Variants in HIP1 observed in about 807,000 individuals in gnomAD.
HIP1 encodes huntingtin-interacting protein 1.
Under a neutral mutation model 147.6 loss-of-function variants are expected in HIP1, and 65 were observed. That is an observed-to-expected ratio of 0.44 (90% CI 0.36 to 0.54). The LOEUF (loss-of-function observed/expected upper bound fraction) is 0.54. HIP1 is among the 20% of genes least tolerant of loss of function. The probability of loss-of-function intolerance (pLI) is 0.00; values close to 1 mark genes in which losing one functional copy is unlikely to be tolerated. For synonymous variants in HIP1, 479 were observed against 504.0 expected (o/e 0.95, Z 0.67); for missense variants, 1,061 against 1,299.6 (o/e 0.82, Z 2.82).
intron 5 of HIP1, among the ~76,000 whole-genome samples, chr7:75,582,864 G>A (rs1469660219): frequency 1.3e-5 from 2 of 151,866 alleles, no homozygotes; most frequent in African/African-American, 4.8e-5. Context: ...TGGGCTCCAT[G>A]GTGCCAAGGC....
Position 75,568,061 on chromosome 7 carries a change from C to A in HIP1, c.803+138G>T, listed in dbSNP as rs1554495907. 9 of 680,468 alleles carry A rather than the reference C, an allele frequency of 1.3e-5. No individual in the cohort carries two copies. The highest frequency in any genetic ancestry group is 2.2e-5 in the Non-Finnish European group (8 of 365,840). 42.2% of individuals were successfully genotyped at this position (680,468 alleles called of 1,614,324 possible). On this transcript the variant is annotated intron_variant, in intron 9 of 30. Coordinates refer to ENST00000336926, the MANE Select transcript of HIP1 (RefSeq NM_005338.7). The surrounding 1 kb of genome is among the most constrained non-coding windows in gnomAD (Gnocchi z 4.1). ...AAACTCTTGGCCTCAAGTGATCCTC[C>A]CGCCTCAGCCTCCCAAAGAGTTGGG...
intron 1 of HIP1, among the ~76,000 whole-genome samples, chr7:75,621,825 C>T (rs1554507174): frequency 1.3e-5 from 2 of 152,118 alleles, no homozygotes; most frequent in Admixed American, 6.6e-5. Context: ...AGGAGAACAT[C>T]GTGATGATTT....
intron 12 of HIP1, among the ~76,000 whole-genome samples, 154 bp from the exon 13 acceptor site, chr7:75,561,555 A>C (rs587694575): frequency 1.2e-4 from 19 of 152,336 alleles, no homozygotes; most frequent in African/African-American, 4.3e-4. Context: ...CCAGATACTA[A>C]TCTAATACTC....
intron 1 of HIP1, among the ~76,000 whole-genome samples, chr7:75,612,994 C>T (rs1797500993): frequency 1.3e-5 from 2 of 152,036 alleles, no homozygotes; most frequent in Admixed American, 1.3e-4. Flanking sequence ...ATCCCAGCTA[C>T]TCAGGAGACT....
At chr7:75,722,891 A>G (rs895870758) in intron 1 of HIP1, among the ~76,000 whole-genome samples, 19 of 152,304 alleles carry the variant, frequency 1.2e-4, no homozygotes, top group African/African-American at 4.6e-4. Flanking sequence ...ACTTTTGTGC[A>G]TGAGTGCCAG....
chr7:75,563,393 A>G (rs1173079448), intron 9 of HIP1, 130 bp from the exon 10 acceptor site: 1 of 710,008 alleles, frequency 1.4e-6, no homozygotes, highest in South Asian at 1.7e-5. Flanking sequence ...GATAAACTCC[A>G]TGGTGCTGGG....
intron 1 of HIP1, among the ~76,000 whole-genome samples, chr7:75,725,283 C>T (rs1554522229): frequency 1.3e-5 from 2 of 152,160 alleles, no homozygotes; most frequent in African/African-American, 4.8e-5. Flanking sequence ...GCCTCAGCCA[C>T]CCAAAGTGCT....
intron 1 of HIP1, among the ~76,000 whole-genome samples, chr7:75,710,183 C>T (rs535634552): frequency 5.3e-5 from 8 of 152,286 alleles, no homozygotes; most frequent in African/African-American, 1.9e-4. Flanking sequence ...CAGGCGTGAG[C>T]CACTGTGCCT....
chr7:75,607,627 A>C (rs1411720998), intron 1 of HIP1, among the ~76,000 whole-genome samples: 1 of 151,604 alleles, frequency 6.6e-6, no homozygotes. Context: ...CAGGAGGATC[A>C]CTTGAGCCCA....
rs139438958 is a variant in HIP1, at chr7:75,537,397, GGA to G, written c.*773_*774del. ...GCCAGCACTTGGTCAGTGTGGAGGC[GGA>G]GATGGAGCACCGAGAGGCCTGGGCA... On this transcript the variant is annotated 3_prime_UTR_variant, in exon 31 of 31. Coordinates refer to ENST00000336926, the MANE Select transcript of HIP1 (RefSeq NM_005338.7). 3.1e-3 allele frequency: 727 copies of G among 233,192 alleles called. 1 individual carries two copies. Among genetic ancestry groups the G allele is most frequent in the African/African-American group, 0.015 (689 of 45,388 alleles). 14.4% of individuals were successfully genotyped at this position (233,192 alleles called of 1,614,324 possible). A position where few individuals can be genotyped will look rare whatever the true frequency, so the allele number is the denominator to read the frequency against.
intron 1 of HIP1, among the ~76,000 whole-genome samples, chr7:75,695,647 TCACTG>T (rs1800612185): frequency 6.6e-6 from 1 of 152,074 alleles, no homozygotes; most frequent in Non-Finnish European, 1.5e-5. Flanking sequence ...CAATTTTGGC[TCACTG>T]CAACCTCTGC....
At chr7:75,548,313 C>T (rs1794652980) in intron 23 of HIP1, among the ~76,000 whole-genome samples, 1 of 152,014 alleles carries the variant, frequency 6.6e-6, no homozygotes, top group Non-Finnish European at 1.5e-5. Context: ...AGGCGTGAGC[C>T]ACCACGCCTG....
chr7:75,681,289 G>A (rs1390822002), intron 1 of HIP1, among the ~76,000 whole-genome samples: 1 of 151,928 alleles, frequency 6.6e-6, no homozygotes, highest in Admixed American at 6.6e-5. Context: ...AACCCTGCAG[G>A]CGCTCTGCAC....
intron 1 of HIP1, among the ~76,000 whole-genome samples, chr7:75,682,272 T>TA (rs782232092): frequency 3.4e-4 from 51 of 151,764 alleles, no homozygotes; most frequent in South Asian, 8.3e-4. Context: ...CATTTTTTTT[T>TA]AAGAGACAGT....
intron 1 of HIP1, among the ~76,000 whole-genome samples, chr7:75,707,544 G>A (rs1801040097): frequency 1.3e-5 from 2 of 149,736 alleles, no homozygotes; most frequent in South Asian, 4.2e-4. Context: ...CCCTTTGTCA[G>A]ATGAGTAGGT....
chr7:75,707,684 A>C (rs2117342952), intron 1 of HIP1, among the ~76,000 whole-genome samples: 1 of 149,104 alleles, frequency 6.7e-6, no homozygotes, highest in African/African-American at 2.5e-5. Flanking sequence ...GCATCACACT[A>C]CCTGACTTCA....
At chr7:75,583,527 G>A (rs1796134567) in intron 5 of HIP1, among the ~76,000 whole-genome samples, 4 of 152,054 alleles carry the variant, frequency 2.6e-5, no homozygotes, top group South Asian at 4.1e-4. Context: ...CTGGTGAGGC[G>A]CTTCATCCTG....
At chr7:75,630,421 C>T (rs1226235845) in intron 1 of HIP1, among the ~76,000 whole-genome samples, 1 of 148,144 alleles carries the variant, frequency 6.8e-6, no homozygotes, top group Non-Finnish European at 1.5e-5. Flanking sequence ...GACTACACCA[C>T]TGCACTCCAG....
At chr7:75,680,880 ATTC>A (rs1800042601) in intron 1 of HIP1, among the ~76,000 whole-genome samples, 1 of 152,172 alleles carries the variant, frequency 6.6e-6, no homozygotes, top group East Asian at 1.9e-4. Context: ...GGTTCAGGCC[ATTC>A]TTCTGCCTCA....
Sources: gnomAD v4.1 joint callset for allele counts (sites outside exome capture counted in the v4.1 genomes callset) on GRCh38, gnomAD v4.1.1 for gene constraint, Gnocchi (gnomAD v3.1) non-coding constraint, MANE v1.5 for transcripts, NCBI Gene and HGNC (gene_info 2026-07-23, HGNC 2026-07-21) for gene names.